The following ME2 variants were observed in gnomAD, a reference collection of about 807,000 sequenced individuals.
ME2 encodes the protein malic enzyme 2.
In ME2, 60 loss-of-function variants were observed where a neutral mutation model predicts 73.7. The ratio of observed to expected loss-of-function variants is 0.81; its 90% CI spans 0.66 to 1.01. The LOEUF (loss-of-function observed/expected upper bound fraction) is 1.01, where lower values mean the gene tolerates loss of function less well. Among genes scored for constraint, ME2 ranks in the 50% least tolerant of loss-of-function variants. The probability of loss-of-function intolerance (pLI) is 0.00; values close to 1 mark genes in which losing one functional copy is unlikely to be tolerated. For synonymous variants in ME2, 199 were observed against 236.9 expected (o/e 0.84, Z 1.47); for missense variants, 594 against 705.5 (o/e 0.84, Z 1.79).
intron 12 of ME2, among the ~76,000 whole-genome samples, chr18:50,930,129 G>A (rs1030572251): frequency 4.6e-5 from 7 of 151,984 alleles, no homozygotes; most frequent in African/African-American, 7.2e-5. Flanking sequence ...GCATGGTGGC[G>A]CACACCTGTG....
At chr18:50,917,222 A>G in intron 5 of ME2, 125 bp from the exon 6 acceptor site, 1 of 736,700 alleles carries the variant, frequency 1.4e-6, no homozygotes, top group Non-Finnish European at 2.1e-6. Flanking sequence ...GAAATTAGCC[A>G]AGAAACAATT....
intron 5 of ME2, chr18:50,916,501 C>T (rs1917288700): frequency 9.9e-6 from 3 of 303,982 alleles, no homozygotes; most frequent in South Asian, 1.3e-4. Flanking sequence ...ACTGGTGTCT[C>T]CTGCCTTCTC....
Position 50,952,797 on chromosome 18 carries a change from T to C in ME2, c.*5613T>C, listed in dbSNP as rs931530049. 3 of 152,258 alleles carry C rather than the reference T, an allele frequency of 2.0e-5. No homozygotes were observed. Among genetic ancestry groups the C allele is most frequent in the African/African-American group, 4.8e-5 (2 of 41,474 alleles). The allele number at this position is 152,258 out of a possible 1,614,324, so 9.4% of individuals were successfully genotyped here. Reference sequence around the variant, plus strand: ...TGGATTATCACCAACACATTTGGTATATACAGTGGGCCGATAATGACAAAC... The same window carrying C: ...TGGATTATCACCAACACATTTGGTACATACAGTGGGCCGATAATGACAAAC... On this transcript the variant is annotated 3_prime_UTR_variant, in exon 16 of 16. Coordinates refer to ENST00000321341, the MANE Select transcript of ME2 (RefSeq NM_002396.5).
At chr18:50,916,822 T>TTTTTTC (rs1192461310) in intron 5 of ME2, 2 of 152,324 alleles carry the variant, frequency 1.3e-5, no homozygotes, top group African/African-American at 4.8e-5. Context: ...AAACATTGAA[T>TTTTTTC]GATCGTTGGT....
At chr18:50,883,680 T>C (rs1916382593) in intron 1 of ME2, among the ~76,000 whole-genome samples, 13 of 152,106 alleles carry the variant, frequency 8.5e-5, no homozygotes, top group Admixed American at 8.5e-4. Flanking sequence ...CTGGCCAATA[T>C]GGTGAAACCC....
chr18:50,917,547 A>AT (rs1917314454), intron 6 of ME2, 39 bp downstream of exon 6: 1 of 1,411,872 alleles, frequency 7.1e-7, no homozygotes, highest in South Asian at 1.5e-5. Flanking sequence ...TTCCTCCTGT[A>AT]TTTTTTAAAA....
At chr18:50,894,236 G>GA (rs1916676171) in intron 1 of ME2, among the ~76,000 whole-genome samples, 1 of 152,200 alleles carries the variant, frequency 6.6e-6, no homozygotes, top group Non-Finnish European at 1.5e-5. Flanking sequence ...GTGTTTCAGT[G>GA]TCCAGGAATA....
At chr18:50,925,000 C>T (rs1002384997) in intron 11 of ME2, among the ~76,000 whole-genome samples, 1 of 151,926 alleles carries the variant, frequency 6.6e-6, no homozygotes, top group Non-Finnish European at 1.5e-5. Context: ...TTCCCCACTC[C>T]CCACCCCCTA....
At chr18:50,879,682 T>G (rs577715226) in intron 1 of ME2, among the ~76,000 whole-genome samples, 54 of 152,356 alleles carry the variant, frequency 3.5e-4, no homozygotes, top group Admixed American at 1.4e-3. Flanking sequence ...AAAGGACTTC[T>G]GTGGCTGGAA....
chr18:50,914,477 TGGCTTATGTGTG>T (rs1917239201), intron 4 of ME2, among the ~76,000 whole-genome samples: 1 of 152,188 alleles, frequency 6.6e-6, no homozygotes. Flanking sequence ...ATGAAGAGCA[TGGCTTATGTGTG>T]AGGGCAAATA....
rs1218682803 is a variant in ME2, at chr18:50,932,274, C to A, written c.1331C>A (p.Ala444Asp). 6.2e-7 allele frequency: 1 copy of A among 1,611,650 alleles called. No homozygotes were observed. The highest frequency in any genetic ancestry group is 8.5e-7 in the Non-Finnish European group (1 of 1,178,410). The part of the protein sequence containing the change: ...YTLTEGRCLF[A>D]SGSPFGPVKL... ...TATTAACAGGGCAGGTGTTTGTTTG[C>A]CAGTGGCAGTCCATTTGGGCCAGTG... Residue 444 changes from alanine to aspartate, a missense_variant, in exon 13 of 16, where the codon GCC becomes GAC. By Grantham distance (126) the Ala-to-Asp change is moderately radical. Coordinates refer to ENST00000321341, the MANE Select transcript of ME2 (RefSeq NM_002396.5).
intron 13 of ME2, chr18:50,939,140 GA>G (rs56350434): frequency 1.6e-4 from 19 of 118,540 alleles, no homozygotes; most frequent in South Asian, 5.1e-4. Context: ...AAAAAAAAAA[GA>G]AAAAAAAAAA....
intron 7 of ME2, among the ~76,000 whole-genome samples, chr18:50,920,238 T>A (rs1483093744): frequency 2.0e-5 from 3 of 152,220 alleles, no homozygotes; most frequent in African/African-American, 7.2e-5. Flanking sequence ...CATGGGTTTA[T>A]CATTGTGCCA....
At chr18:50,893,124 C>CAAAAAAAAAAAAAAAAAAAAAAAAAAAAA (rs56104427) in intron 1 of ME2, among the ~76,000 whole-genome samples, 1 of 78,090 alleles carries the variant, frequency 1.3e-5, no homozygotes, top group African/African-American at 5.9e-5. Context: ...GACTCTATCT[C>CAAAAAAAAAAAAAAAAAAAAAAAAAAAAA]AAAAAAAAAA....
At chr18:50,903,524 C>T (rs1422409252) in intron 2 of ME2, among the ~76,000 whole-genome samples, 1 of 152,044 alleles carries the variant, frequency 6.6e-6, no homozygotes, top group Non-Finnish European at 1.5e-5. Context: ...AGTCATGGCT[C>T]CCTGCAGCCT....
rs758978445 is a variant in ME2 at position 50,947,267 on chromosome 18, G to A, written c.*83G>A. The A allele has an allele frequency of 6.5e-6, 9 of 1,382,822 alleles. No homozygotes were observed. Among genetic ancestry groups the A allele is most frequent in the South Asian group, 1.4e-5 (1 of 73,850 alleles). The allele number at this position is 1,382,822 out of a possible 1,614,324, so 85.7% of individuals were successfully genotyped here. ...AAGAGATAATGTCTTCAGTTTTATG[G>A]TGTTTTCTGTGTTTTGTTCTCCCTG... On this transcript the variant is annotated 3_prime_UTR_variant, in exon 16 of 16. Coordinates refer to ENST00000321341, the MANE Select transcript of ME2 (RefSeq NM_002396.5).
At position 50,921,169 on chromosome 18, in the gene ME2, GTATGGTT is replaced by G; in HGVS notation, c.1042_1048del (p.Gly348Ter). ...AAAAGAAAATCTGGATGTTTGACAA[GTATGGTT>G]TATTAGTTAAGGTAAGGTATTTAAA... On this transcript the variant is annotated frameshift_variant, in exon 10 of 16. Transcript: ENST00000321341. LOFTEE classifies it high-confidence loss of function. 1 of 1,579,606 alleles carries G rather than the reference GTATGGTT, an allele frequency of 6.3e-7. No individual in the cohort carries two copies. The highest frequency in any genetic ancestry group is 8.7e-7 in the Non-Finnish European group (1 of 1,153,848).
At chr18:50,898,186 G>A (rs986334327) in intron 2 of ME2, among the ~76,000 whole-genome samples, 1 of 152,120 alleles carries the variant, frequency 6.6e-6, no homozygotes, top group African/African-American at 2.4e-5. Context: ...GTAATTAAAG[G>A]CAGTATTGAA....
intron 2 of ME2, among the ~76,000 whole-genome samples, chr18:50,902,551 C>T (rs1161786576): frequency 2.0e-5 from 3 of 152,160 alleles, no homozygotes; most frequent in African/African-American, 7.2e-5. Context: ...GCATGTGCCA[C>T]CACGCCTGGC....
Sources: gnomAD v4.1 joint callset for allele counts (sites outside exome capture counted in the v4.1 genomes callset) on GRCh38, gnomAD v4.1.1 for gene constraint, MANE v1.5 for transcripts, NCBI Gene and HGNC (gene_info 2026-07-23, HGNC 2026-07-21) for gene names.